The following PIK3C2A variants were observed in gnomAD, a reference collection of about 807,000 sequenced individuals.
PIK3C2A encodes phosphatidylinositol-4-phosphate 3-kinase catalytic subunit type 2 alpha.
In PIK3C2A, 97 loss-of-function variants were observed where a neutral mutation model predicts 204.5. The observed-to-expected ratio is 0.47, with a 90% CI of 0.40 to 0.56. The LOEUF (loss-of-function observed/expected upper bound fraction) is 0.56, where lower values mean the gene tolerates loss of function less well. Among genes scored for constraint, PIK3C2A ranks in the 20% least tolerant of loss-of-function variants. The pLI is 0.00. For missense variants in PIK3C2A, 1,735 were observed against 1,969.2 expected (o/e 0.88, Z 2.25); for synonymous variants, 653 against 664.4 (o/e 0.98, Z 0.26).
intron 3 of PIK3C2A, among the ~76,000 whole-genome samples, chr11:17,152,659 T>C (rs1391707614): frequency 6.6e-6 from 1 of 152,146 alleles, no homozygotes; most frequent in Non-Finnish European, 1.5e-5. Flanking sequence ...TACTTCCCTA[T>C]CACCCAAATA....
At chr11:17,157,762 T>C (rs1276423822) in intron 2 of PIK3C2A, among the ~76,000 whole-genome samples, 4 of 152,184 alleles carry the variant, frequency 2.6e-5, no homozygotes, top group Non-Finnish European at 5.9e-5. Context: ...CTCAGTCTCA[T>C]AGTTACCAAT....
At chr11:17,172,760 G>GT (rs1456141342) in intron 1 of PIK3C2A, among the ~76,000 whole-genome samples, 4 of 152,018 alleles carry the variant, frequency 2.6e-5, no homozygotes, top group Non-Finnish European at 5.9e-5. Context: ...AAACATAAAT[G>GT]TATTTTCCCC....
chr11:17,150,656 CT>C lies in PIK3C2A; in HGVS notation c.1170-2del, dbSNP rs1170684547. Reference sequence around the variant, plus strand: ...GGTATATGGAAATTTGGTCTTCAATCTGTTCACAAGAAAGAAGAAATTAAAT... The same window carrying C: ...GGTATATGGAAATTTGGTCTTCAATCGTTCACAAGAAAGAAGAAATTAAAT... On this transcript the variant is annotated splice_acceptor_variant, in intron 3 of 32. Coordinates refer to ENST00000691414, the MANE Select transcript of PIK3C2A (RefSeq NM_002645.4). LOFTEE classifies it high-confidence loss of function. 6.3e-7 allele frequency: 1 copy of C among 1,591,328 alleles called. No homozygotes were observed. The highest frequency in any genetic ancestry group is 8.5e-7 in the Non-Finnish European group (1 of 1,170,856).
At chr11:17,153,154 G>A (rs1313484789) in intron 3 of PIK3C2A, among the ~76,000 whole-genome samples, 1 of 152,062 alleles carries the variant, frequency 6.6e-6, no homozygotes, top group South Asian at 2.1e-4. Flanking sequence ...TTTCTCGACC[G>A]GGTGTGGTGG....
chr11:17,175,256 C>G (rs1851301130), intron 1 of PIK3C2A, among the ~76,000 whole-genome samples: 1 of 152,060 alleles, frequency 6.6e-6, no homozygotes, highest in Admixed American at 6.6e-5. Flanking sequence ...ATTTCTAGTA[C>G]CAACACCCAA....
At chr11:17,137,861 C>G (rs146638339) in intron 8 of PIK3C2A, 1 of 320,232 alleles carries the variant, frequency 3.1e-6, no homozygotes, top group Non-Finnish European at 6.0e-6. Context: ...ATTGAACACA[C>G]AGAAAGGACC....
At chr11:17,152,322 T>C (rs942938975) in intron 3 of PIK3C2A, among the ~76,000 whole-genome samples, 2 of 152,162 alleles carry the variant, frequency 1.3e-5, no homozygotes, top group Non-Finnish European at 2.9e-5. Flanking sequence ...AATTACCTTT[T>C]TCTGTAAAAT....
chr11:17,138,132 C>A, intron 8 of PIK3C2A: 1 of 771,030 alleles, frequency 1.3e-6, no homozygotes, highest in Non-Finnish European at 2.2e-6. Flanking sequence ...TTTGGACAAT[C>A]TCATAAGGGC....
intron 26 of PIK3C2A, among the ~76,000 whole-genome samples, 195 bp from the exon 27 acceptor site, chr11:17,097,459 A>T (rs1848486537): frequency 6.6e-6 from 1 of 152,236 alleles, no homozygotes. Context: ...AATTTAGCCC[A>T]AGAAAGAATT....
At chr11:17,101,825 G>T (rs184360111) in intron 24 of PIK3C2A, among the ~76,000 whole-genome samples, 2 of 151,592 alleles carry the variant, frequency 1.3e-5, no homozygotes, top group Admixed American at 1.3e-4. Context: ...GGATGGTCTC[G>T]ATCTCCTGAC....
intron 4 of PIK3C2A, 44 bp from the exon 5 acceptor site, chr11:17,148,831 T>G (rs1204254292): frequency 6.5e-7 from 1 of 1,531,088 alleles, no homozygotes; most frequent in Non-Finnish European, 9.0e-7. Flanking sequence ...TCATTTATAT[T>G]TATTCAAGAC....
intron 8 of PIK3C2A, among the ~76,000 whole-genome samples, chr11:17,145,402 A>C (rs1446177182): frequency 1.3e-5 from 2 of 151,994 alleles, no homozygotes; most frequent in Non-Finnish European, 2.9e-5. Context: ...AGATCTGACG[A>C]TTTTATAATG....
chr11:17,172,184 G>A (rs1851194511), intron 1 of PIK3C2A, among the ~76,000 whole-genome samples: 1 of 152,168 alleles, frequency 6.6e-6, no homozygotes, highest in African/African-American at 2.4e-5. Flanking sequence ...CTCATAAAGA[G>A]GAGGGATCTA....
Position 17,147,542 on chromosome 11 carries a change from G to A in PIK3C2A, c.1535C>T (p.Ala512Val). ...EIRLQLLTFS[A>V]MCQNLARTAE... ...TGTTCGGGCCAGATTTTGACACATT[G>A]CACTGAAGGTCAAGAGTTGTAGTCT... Residue 512 changes from alanine (A) to valine (V), a missense_variant, in exon 6 of 33, where the codon GCA (alanine) becomes GTA (valine). This residue lies in a region of PIK3C2A where 106 missense variants were observed against 108.2 expected (regional missense o/e 0.98). Coordinates refer to ENST00000691414, the MANE Select transcript of PIK3C2A (RefSeq NM_002645.4). 1 of 1,606,444 alleles carries A rather than the reference G, an allele frequency of 6.2e-7. No homozygotes were observed. Among genetic ancestry groups the A allele is most frequent in the Non-Finnish European group, 8.5e-7 (1 of 1,173,042 alleles).
chr11:17,200,160 T>C (rs1852316967), intron 1 of PIK3C2A, among the ~76,000 whole-genome samples: 1 of 151,290 alleles, frequency 6.6e-6, no homozygotes, highest in Non-Finnish European at 1.5e-5. Flanking sequence ...CACTCCAGCC[T>C]GGGCGACAGA....
At position 17,148,732 on chromosome 11, in the gene PIK3C2A, G is replaced by C. The variant is rs993825548; in HGVS notation, c.1383C>G (p.Asp461Glu). 25 of 1,610,808 alleles carry C rather than the reference G, an allele frequency of 1.6e-5. No homozygotes were observed. The highest frequency in any genetic ancestry group is 2.0e-5 in the Non-Finnish European group (24 of 1,177,372). Residue 461 changes from aspartate to glutamate, a missense_variant, in exon 5 of 33, where the codon GAC becomes GAG. Asp to Glu is a conservative substitution (Grantham distance 45, BLOSUM62 2). This residue lies in a region of PIK3C2A where 536 missense variants were observed against 546.7 expected (regional missense o/e 0.98). Transcript: ENST00000691414. The stretch of plus-strand genomic sequence containing the variant: ...AGCTGCCAACATCTACTTGATTCAA[G>C]TCATCATGTACCCAGCAAAGGGCTT... ...IMQALCWVHD[D>E]LNQVDVGSYV...
intron 22 of PIK3C2A, among the ~76,000 whole-genome samples, chr11:17,109,944 T>TA (rs869066523): frequency 2.6e-5 from 4 of 152,168 alleles, no homozygotes; most frequent in African/African-American, 4.8e-5. Flanking sequence ...TACACTAGGT[T>TA]AAAAAAATTT....
Position 17,134,969 on chromosome 11 carries a change from T to C in PIK3C2A, c.1958A>G (p.Tyr653Cys), listed in dbSNP as rs961160761. The change falls in exon 11 of 33, where the codon TAT (tyrosine) becomes TGT (cysteine). Residue 653 changes from tyrosine (Y) to cysteine (C), a missense_variant. Physicochemically the swap from Tyr to Cys is radical, Grantham distance 194 (BLOSUM62 -2). Transcript: ENST00000691414. ...ATTTGCATGGAGTCTGAGAAGATCATAAATTGCTGCAGTTAATTGGTTTAT... is the reference window on the plus strand; with the variant it reads ...ATTTGCATGGAGTCTGAGAAGATCACAAATTGCTGCAGTTAATTGGTTTAT... The part of the protein sequence containing the change: ...VSINQLTAAI[Y>C]DLLRLHANSG... The C allele has an allele frequency of 6.2e-7, 1 of 1,614,158 alleles. No homozygotes were observed. The highest frequency in any genetic ancestry group is 8.5e-7 in the Non-Finnish European group (1 of 1,179,982).
intron 8 of PIK3C2A, 129 bp from the exon 9 acceptor site, chr11:17,136,754 G>GA (rs1328370061): frequency 1.7e-5 from 9 of 518,382 alleles, no homozygotes; most frequent in Non-Finnish European, 3.0e-5. Flanking sequence ...TGATGACAAA[G>GA]AAAAAACATA....
Sources: allele counts gnomAD v4.1 joint callset (sites outside exome capture counted in the v4.1 genomes callset), GRCh38; gene constraint gnomAD v4.1.1; regional missense constraint gnomAD v4.1.1; transcripts MANE v1.5; gene names NCBI Gene and HGNC (gene_info 2026-07-23, HGNC 2026-07-21).